The following SCAF4 variants were observed in gnomAD, a reference collection of about 807,000 sequenced individuals.
SCAF4 encodes SR-related CTD associated factor 4.
Under a neutral mutation model 129.8 loss-of-function variants are expected in SCAF4, and 25 were observed. The observed-to-expected ratio is 0.19, with a 90% CI of 0.14 to 0.27. The LOEUF is 0.27. SCAF4 is among the 10% of genes least tolerant of loss of function. SCAF4 has a pLI of 1.00. For missense variants in SCAF4, 1,246 were observed against 1,457.1 expected (o/e 0.86, Z 2.36); for synonymous variants, 551 against 497.7 (o/e 1.11, Z -1.43).
At chr21:31,693,923 C>G (rs996530566) in intron 11 of SCAF4, among the ~76,000 whole-genome samples, 3 of 151,936 alleles carry the variant, frequency 2.0e-5, no homozygotes, top group African/African-American at 7.3e-5. Context: ...AAATATAGTT[C>G]TTCTAATATC....
At chr21:31,680,023 C>T (rs1003786257) in intron 19 of SCAF4, among the ~76,000 whole-genome samples, 3 of 151,990 alleles carry the variant, frequency 2.0e-5, no homozygotes, top group Non-Finnish European at 4.4e-5. Context: ...CAATATTAGC[C>T]GGAAAAAAAT....
chr21:31,691,824 G>A lies in SCAF4; in HGVS notation c.1721C>T (p.Ser574Phe). 1 of 1,571,848 alleles carries A rather than the reference G, an allele frequency of 6.4e-7. No homozygotes were observed. The highest frequency in any genetic ancestry group is 8.7e-7 in the Non-Finnish European group (1 of 1,150,696). ...TAACATGTAAGACTGTACCTTTATGGATTTCTGGTTCACTTTATAGTTTCC... is the reference window on the plus strand; with the variant it reads ...TAACATGTAAGACTGTACCTTTATGAATTTCTGGTTCACTTTATAGTTTCC... ...SRGNYKVNQK[S>F]IKIAWALNKG... is the part of the protein sequence containing the mutation. Residue 574 changes from serine (S) to phenylalanine (F), a missense_variant, in exon 14 of 20, where the codon TCC becomes TTC. Ser to Phe is a radical substitution (Grantham distance 155). Around this residue, in one of 6 missense-constraint regions of SCAF4, gnomAD observed 468 missense variants for 605.5 expected, o/e 0.77. Transcript: ENST00000286835.
intron 1 of SCAF4, among the ~76,000 whole-genome samples, chr21:31,707,147 C>T (rs1323645559): frequency 2.0e-5 from 3 of 151,924 alleles, no homozygotes; most frequent in African/African-American, 7.3e-5. Context: ...CTTAACATTC[C>T]ATAGATGGGG....
At chr21:31,713,614 C>A (rs537759743) in intron 1 of SCAF4, among the ~76,000 whole-genome samples, 16 of 152,138 alleles carry the variant, frequency 1.1e-4, no homozygotes, top group African/African-American at 3.9e-4. Flanking sequence ...ATATGAAGGA[C>A]AACAGCCCAG....
chr21:31,709,185 T>C (rs1397811729), intron 1 of SCAF4, among the ~76,000 whole-genome samples: 1 of 152,002 alleles, frequency 6.6e-6, no homozygotes, highest in Non-Finnish European at 1.5e-5. Context: ...CCCATCACTG[T>C]GGGGGTGGGG....
rs532144591 is a variant in SCAF4 at position 31,688,332 on chromosome 21, G to C, written c.2018C>G (p.Ala673Gly). Reference sequence around the variant, plus strand: ...CTGTGGAGGTGGCACTGTTATAGGTGCAGGAACAGGAATAGGAGGGACAGG... The same window carrying C: ...CTGTGGAGGTGGCACTGTTATAGGTCCAGGAACAGGAATAGGAGGGACAGG... ...PVPVPPIPVP[A>G]PITVPPPQVP... The change falls in exon 16 of 20, where the codon GCA (alanine) becomes GGA (glycine). Residue 673 changes from alanine (A) to glycine (G), a missense_variant. Physicochemically the swap from Ala to Gly is moderately conservative, Grantham distance 60 (BLOSUM62 0). Transcript: ENST00000286835. The C allele has an allele frequency of 2.5e-6, 4 of 1,613,438 alleles. No homozygotes were observed. In the African/African-American group the frequency reaches 5.3e-5, roughly 22 times the overall value.
intron 16 of SCAF4, among the ~76,000 whole-genome samples, 162 bp downstream of exon 16, chr21:31,688,145 A>AAAAAAAAAAAAAT (rs2050172372): frequency 7.0e-6 from 1 of 143,694 alleles, no homozygotes; most frequent in African/African-American, 2.6e-5. Flanking sequence ...AAAAAAAAAA[A>AAAAAAAAAAAAAT]GTGAAGAATA....
intron 19 of SCAF4, among the ~76,000 whole-genome samples, chr21:31,675,051 G>A (rs1330381460): frequency 2.0e-5 from 3 of 152,146 alleles, no homozygotes; most frequent in Non-Finnish European, 4.4e-5. Context: ...AAGGAAGGAC[G>A]TTACTATCAA....
intron 1 of SCAF4, among the ~76,000 whole-genome samples, chr21:31,717,567 G>A (rs1468743439): frequency 6.6e-6 from 1 of 151,940 alleles, no homozygotes. Context: ...AAGTGATAAA[G>A]AAATATGGTT....
At position 31,676,671 on chromosome 21, in the gene SCAF4, AGTT is replaced by A. The variant is rs1213328811; in HGVS notation, c.2489-4320_2489-4318del. 8.5e-5 allele frequency among the ~76,000 whole-genome samples: 13 copies of A among 152,258 alleles called. No homozygotes were observed. The Middle Eastern group carries it at 0.01, about 120-fold the overall frequency. ...GTCCTCCTTCATCCTGTCTACTCTT[AGTT>A]GTTTTGTTTGGTAATTTCAGTAAGG... On this transcript the variant is annotated intron_variant, in intron 19 of 19. Transcript: ENST00000286835.
At chr21:31,722,708 C>A (rs2051099096) in intron 1 of SCAF4, among the ~76,000 whole-genome samples, 1 of 152,212 alleles carries the variant, frequency 6.6e-6, no homozygotes, top group Admixed American at 6.5e-5. Flanking sequence ...GTAATCCCAG[C>A]ACTTTGGGAG....
chr21:31,694,856 A>ATCT lies in SCAF4; in HGVS notation c.1192_1193insAGA (p.Phe398delinsTer), dbSNP rs2050346431. 1 of 1,614,084 alleles carries ATCT rather than the reference A, an allele frequency of 6.2e-7. No individual in the cohort carries two copies. Among genetic ancestry groups the ATCT allele is most frequent in the Non-Finnish European group, 8.5e-7 (1 of 1,180,036 alleles). On this transcript the variant is annotated stop_gained, in exon 10 of 20. Coordinates refer to ENST00000286835, the MANE Select transcript of SCAF4 (RefSeq NM_020706.2). LOFTEE classifies it high-confidence loss of function. The stretch of plus-strand genomic sequence containing the variant: ...TGTAAGTGGTTCATTTTGTGCCTGA[A>ATCT]AAGAAGCTTGGAAAGGCTGCTGCAC...
At chr21:31,703,468 T>C (rs901766119) in intron 4 of SCAF4, among the ~76,000 whole-genome samples, 1 of 152,122 alleles carries the variant, frequency 6.6e-6, no homozygotes, top group Admixed American at 6.5e-5. Flanking sequence ...TCATACCTAT[T>C]GATTAGCAGC....
chr21:31,718,951 T>A (rs968397127), intron 1 of SCAF4, among the ~76,000 whole-genome samples: 2 of 152,192 alleles, frequency 1.3e-5, no homozygotes, highest in Non-Finnish European at 2.9e-5. Flanking sequence ...TAACACCATT[T>A]TTAGGTTAAC....
chr21:31,715,725 T>C (rs2050906905), intron 1 of SCAF4, among the ~76,000 whole-genome samples: 1 of 152,178 alleles, frequency 6.6e-6, no homozygotes, highest in South Asian at 2.1e-4. Context: ...GTCAATGTTT[T>C]CTAAAAATTA....
intron 1 of SCAF4, among the ~76,000 whole-genome samples, chr21:31,712,222 C>CTTTTTTTTTTTTTTTTTTTTTTTTTT (rs11408552): frequency 3.7e-5 from 5 of 135,442 alleles, no homozygotes; most frequent in African/African-American, 1.4e-4. Flanking sequence ...TTGTTTGTTG[C>CTTTTTTTTTTTTTTTTTTTTTTTTTT]TTTTTTTTTT....
intron 7 of SCAF4, among the ~76,000 whole-genome samples, chr21:31,698,678 A>C (rs925909844): frequency 2.0e-5 from 3 of 152,214 alleles, no homozygotes; most frequent in African/African-American, 7.2e-5. Flanking sequence ...AGTGGGCCTC[A>C]ATCAATCAGT....
At position 31,696,562 on chromosome 21, in the gene SCAF4, A is replaced by C. The variant is rs780653106; in HGVS notation, c.959+7T>G. ...CTATCTGCTGAGGAATAAAAAAAAAAACTAACAATGGTGCCTGTGGAGGAG... is the reference window on the plus strand; with the variant it reads ...CTATCTGCTGAGGAATAAAAAAAAACACTAACAATGGTGCCTGTGGAGGAG... On this transcript the variant is annotated splice_region_variant and intron_variant, in intron 8 of 19. Coordinates refer to ENST00000286835, the MANE Select transcript of SCAF4 (RefSeq NM_020706.2). The C allele has an allele frequency of 1.9e-6, 3 of 1,580,210 alleles. No homozygotes were observed. The highest frequency in any genetic ancestry group is 1.9e-5 in the Admixed American group (1 of 53,440).
chr21:31,693,133 T>C (rs887070415), intron 12 of SCAF4, among the ~76,000 whole-genome samples, 161 bp downstream of exon 12: 3 of 152,180 alleles, frequency 2.0e-5, no homozygotes, highest in Admixed American at 2.0e-4. Context: ...AATCTAAGGG[T>C]ATACATCAAT....
Sources: gnomAD v4.1 joint callset for allele counts (sites outside exome capture counted in the v4.1 genomes callset) on GRCh38, gnomAD v4.1.1 for gene constraint, gnomAD v4.1.1 regional missense constraint, MANE v1.5 for transcripts, NCBI Gene and HGNC (gene_info 2026-07-23, HGNC 2026-07-21) for gene names.